The following CDX2 variants were observed in gnomAD, a reference collection of about 807,000 sequenced individuals.
The protein encoded by CDX2 is caudal type homeobox 2.
CDX2 carries 7 observed loss-of-function variants against 25.5 expected under a neutral mutation model. The ratio of observed to expected loss-of-function variants is 0.27; its 90% CI spans 0.16 to 0.52. CDX2 has a LOEUF of 0.52. CDX2 is among the 20% of genes least tolerant of loss of function. The probability of loss-of-function intolerance (pLI) is 0.97; values close to 1 mark genes in which losing one functional copy is unlikely to be tolerated. For missense variants in CDX2, 375 were observed against 431.4 expected, an observed-to-expected ratio of 0.87 and a Z score of 1.16; for synonymous variants, 222 against 198.6, an observed-to-expected ratio of 1.12 and a Z score of -0.99.
intron 1 of CDX2, among the ~76,000 whole-genome samples, chr13:27,966,771 G>C (rs1869348914): frequency 6.6e-6 from 1 of 152,154 alleles, no homozygotes; most frequent in South Asian, 2.1e-4. Context: ...ATTCATTATT[G>C]ACTGCGAAAG....
intron 1 of CDX2, chr13:27,967,455 G>T: frequency 2.2e-6 from 1 of 461,904 alleles, no homozygotes; most frequent in Non-Finnish European, 4.2e-6. Flanking sequence ...ATCAAGGAGC[G>T]AAGCAAGAAA....
rs986416792 is a variant in CDX2, at chr13:27,968,644, G to A, written c.363C>T (p.His121=). The A allele has an allele frequency of 3.3e-6, 5 of 1,535,628 alleles. No individual in the cohort carries two copies. In the Admixed American group the frequency reaches 9.9e-5, roughly 30 times the overall value. The change falls in exon 1 of 3, where the codon CAC becomes CAT. Residue 121 remains histidine (H), a synonymous_variant. Transcript: ENST00000381020. The part of the protein sequence containing the change: ...ADYHPHHHPH[H]HPHHPAAAPS... ...GCGCGGCGGCCGGGTGGTGCGGGTG[G>A]TGATGCGGGTGGTGGTGCGGATGGT...
In CDX2 at chr13:27,965,928, A is replaced by G. The variant is rs538741172; in HGVS notation, c.542-913T>C. Among the ~76,000 whole-genome samples, 6 of 152,316 alleles carry G rather than the reference A, an allele frequency of 3.9e-5. No homozygotes were observed. The East Asian group carries it at 1.2e-3, about 29-fold the overall frequency. On this transcript the variant is annotated intron_variant, in intron 1 of 2. Coordinates refer to ENST00000381020, the MANE Select transcript of CDX2 (RefSeq NM_001265.6). ...CACTTTTGGGTCTTCTTGCAGCTGA[A>G]CAGGTTCAATCGCCCAGTGCCCAAT...
intron 1 of CDX2, among the ~76,000 whole-genome samples, chr13:27,966,093 C>T (rs1160148420): frequency 6.6e-6 from 1 of 152,230 alleles, no homozygotes; most frequent in Admixed American, 6.5e-5. Flanking sequence ...AGGGAGCTCC[C>T]CCGAGCCGCT....
chr13:27,968,366 C>G, intron 1 of CDX2, 100 bp downstream of exon 1: 50 of 1,324,090 alleles, frequency 3.8e-5, no homozygotes, highest in Non-Finnish European at 4.8e-5. Context: ...CCAGACAGCC[C>G]GGGACGCCCC....
rs1275398377 is a variant in CDX2, at chr13:27,968,743, G to GGCGGCC, written c.258_263dup (p.Ala88_Ala89dup). The GGCGGCC allele has an allele frequency of 1.3e-5, 19 of 1,504,026 alleles. No homozygotes were observed. The highest frequency in any genetic ancestry group is 1.7e-5 in the Non-Finnish European group (19 of 1,134,070). 93.2% of individuals were successfully genotyped at this position (1,504,026 alleles called of 1,614,324 possible). On this transcript the variant is annotated inframe_insertion, in exon 1 of 3. Transcript: ENST00000381020. ...TGAGGCCGTGAGCCACGGCGTTGGCGGCGGCCGCGGCGCCTCCGGGCGCGT... is the reference window on the plus strand; with the variant it reads ...TGAGGCCGTGAGCCACGGCGTTGGCGGCGGCCGCGGCCGCGGCGCCTCCGGGCGCGT...
chr13:27,969,023 G>C lies in CDX2; in HGVS notation c.-17C>G, dbSNP rs201603624. ...CACGTACATGGTGGCGAGGGTCCGG[G>C]AGCAGACCTCACCATGCTGCCTGGG... On this transcript the variant is annotated 5_prime_UTR_variant, in exon 1 of 3. Coordinates refer to ENST00000381020, the MANE Select transcript of CDX2 (RefSeq NM_001265.6). The C allele has an allele frequency of 3.9e-5, 61 of 1,579,896 alleles. No homozygotes were observed. The Admixed American group carries it at 7.9e-4, about 21-fold the overall frequency.
At position 27,968,697 on chromosome 13, in the gene CDX2, C is replaced by T; in HGVS notation, c.310G>A (p.Ala104Thr). 1.3e-6 allele frequency: 2 copies of T among 1,532,152 alleles called. No individual in the cohort carries two copies. The highest frequency in any genetic ancestry group is 8.7e-7 in the Non-Finnish European group (1 of 1,144,100). The allele number at this position is 1,532,152 out of a possible 1,614,324, so 94.9% of individuals were successfully genotyped here. A position where few individuals can be genotyped will look rare whatever the true frequency, so the allele number is the denominator to read the frequency against. ...HGLNGGSPAA[A>T]MGYSSPADYH... Reference sequence around the variant, plus strand: ...TCTGCGGGGCTGCTGTAGCCCATGGCTGCGGCCGGGGAGCCACCGTTGAGG... The same window carrying T: ...TCTGCGGGGCTGCTGTAGCCCATGGTTGCGGCCGGGGAGCCACCGTTGAGG... Residue 104 changes from alanine (A) to threonine (T), a missense_variant, in exon 1 of 3, where the codon GCC (alanine) becomes ACC (threonine). Coordinates refer to ENST00000381020, the MANE Select transcript of CDX2 (RefSeq NM_001265.6).
chr13:27,966,732 G>A (rs926540026), intron 1 of CDX2, among the ~76,000 whole-genome samples: 13 of 152,196 alleles, frequency 8.5e-5, no homozygotes, highest in Non-Finnish European at 1.6e-4. Flanking sequence ...CGGGGCTATG[G>A]AGGGGAGGGA....
Position 27,962,853 on chromosome 13 carries a change from G to T in CDX2, c.*262C>A. On this transcript the variant is annotated 3_prime_UTR_variant, in exon 3 of 3. Transcript: ENST00000381020. The stretch of plus-strand genomic sequence containing the variant: ...TCCAGGCAATGCTTCTGCCAGTCCG[G>T]AATGAAGCCCAGCGGAGGCTTTCTG... 1 of 424,028 alleles carries T rather than the reference G, an allele frequency of 2.4e-6. No homozygotes were observed. Among genetic ancestry groups the T allele is most frequent in the African/African-American group, 1.9e-5 (1 of 51,624 alleles). The allele number at this position is 424,028 out of a possible 1,614,324, so 26.3% of individuals were successfully genotyped here.
In CDX2 at chr13:27,968,653, G is replaced by A. The variant is rs747093596; in HGVS notation, c.354C>T (p.His118=). 62 of 1,534,862 alleles carry A rather than the reference G, an allele frequency of 4.0e-5. 1 individual carries two copies. The highest frequency in any genetic ancestry group is 3.4e-4 in the Middle Eastern group (2 of 5,888). ...CCGGGTGGTGCGGGTGGTGATGCGG[G>A]TGGTGGTGCGGATGGTAGTCTGCGG... ...SSPADYHPHH[H]PHHHPHHPAA... is the part of the protein sequence containing the mutation. Residue 118 remains histidine, a synonymous_variant, in exon 1 of 3, where the codon CAC becomes CAT. Transcript: ENST00000381020.
chr13:27,965,110 C>T, intron 1 of CDX2, 95 bp from the exon 2 acceptor site: 2 of 1,339,998 alleles, frequency 1.5e-6, no homozygotes, highest in Non-Finnish European at 2.1e-6. Flanking sequence ...CATTTCTCTT[C>T]CTCCACCACC....
chr13:27,968,805 C>A lies in CDX2; in HGVS notation c.202G>T (p.Ala68Ser). 6.5e-7 allele frequency: 1 copy of A among 1,536,714 alleles called. No individual in the cohort carries two copies. The highest frequency in any genetic ancestry group is 8.7e-7 in the Non-Finnish European group (1 of 1,144,926). ...TCCTCCCGGAGTGGGGCGCCATACGCTGCCGGCCAGGATGGCCCCGGGGAC... is the reference window on the plus strand; with the variant it reads ...TCCTCCCGGAGTGGGGCGCCATACGATGCCGGCCAGGATGGCCCCGGGGAC... ...AQSPGPSWPA[A>S]YGAPLREDWN... Residue 68 changes from alanine to serine, a missense_variant, in exon 1 of 3, where the codon GCG becomes TCG. Around this residue, in one of 3 missense-constraint regions of CDX2, gnomAD observed 253 missense variants for 247.5 expected, o/e 1.02. Transcript: ENST00000381020.
At chr13:27,968,352 G>A in intron 1 of CDX2, 114 bp downstream of exon 1, 3 of 1,268,624 alleles carry the variant, frequency 2.4e-6, no homozygotes, top group Non-Finnish European at 3.0e-6. Flanking sequence ...CTGGCGCCGA[G>A]CTCCCAGACA....
rs937846005 is a variant in CDX2, at chr13:27,966,398, G to T, written c.542-1383C>A. Among the ~76,000 whole-genome samples, 4 of 152,236 alleles carry T rather than the reference G, an allele frequency of 2.6e-5. No individual in the cohort carries two copies. The South Asian group carries it at 8.3e-4, about 32-fold the overall frequency. On this transcript the variant is annotated intron_variant, in intron 1 of 2. Transcript: ENST00000381020. ...CGTGACCGCCTCAAACCCACTCCAG[G>T]CTGCCATTGGTACTCGCCCCTTTTT... is the stretch of plus-strand genomic sequence containing the variant.
At position 27,964,334 on chromosome 13, in the gene CDX2, G is replaced by A. The variant is rs1196000805; in HGVS notation, c.687+536C>T. Among the ~76,000 whole-genome samples, 2 of 152,180 alleles carry A rather than the reference G, an allele frequency of 1.3e-5. No individual in the cohort carries two copies. The highest frequency in any genetic ancestry group is 4.8e-5 in the African/African-American group (2 of 41,442). Reference sequence around the variant, plus strand: ...GAATCGCTTGAACCCGGGAGGCAGAGGTTGCAGTGAGCTGAGACCGCGCCA... The same window carrying A: ...GAATCGCTTGAACCCGGGAGGCAGAAGTTGCAGTGAGCTGAGACCGCGCCA... On this transcript the variant is annotated intron_variant, in intron 2 of 2. Coordinates refer to ENST00000381020, the MANE Select transcript of CDX2 (RefSeq NM_001265.6). The surrounding 1 kb of genome is among the most constrained non-coding windows in gnomAD (Gnocchi z 4.7).
At position 27,962,676 on chromosome 13, in the gene CDX2, C is replaced by T. The variant is rs537029909; in HGVS notation, c.*439G>A. On this transcript the variant is annotated 3_prime_UTR_variant, in exon 3 of 3. Transcript: ENST00000381020. ...GAGGCAGGAGGCCCAGCTGGACCTC[C>T]GAGGGCCATGAGCAGGCAGCAGCCA... 6 of 237,384 alleles carry T rather than the reference C, an allele frequency of 2.5e-5. No homozygotes were observed. In the South Asian group the frequency reaches 7.1e-4, roughly 28 times the overall value. 14.7% of individuals were successfully genotyped at this position (237,384 alleles called of 1,614,324 possible).
chr13:27,968,905 G>T lies in CDX2; in HGVS notation c.102C>A (p.Pro34=). 1 of 1,608,364 alleles carries T rather than the reference G, an allele frequency of 6.2e-7. No homozygotes were observed. Residue 34 remains proline, a synonymous_variant, in exon 1 of 3, where the codon CCC becomes CCA. Transcript: ENST00000381020. ...AACCGCCGTAGTCCGGGTACTGCGG[G>T]GGGCTGACGAAGTTCTGCGGCGCCA... ...LNLAPQNFVS[P]PQYPDYGGYH...
Position 27,964,550 on chromosome 13 carries a change from A to G in CDX2, c.687+320T>C, listed in dbSNP as rs1326805204. Among the ~76,000 whole-genome samples the G allele has an allele frequency of 2.0e-5, 3 of 151,976 alleles. No homozygotes were observed. The highest frequency in any genetic ancestry group is 1.5e-5 in the Non-Finnish European group (1 of 67,990). Reference sequence around the variant, plus strand: ...GTGAGACCATCTCTGCAAAAAATTTAAACATTAGCCAGTCATGGTGGCTCG... The same window carrying G: ...GTGAGACCATCTCTGCAAAAAATTTGAACATTAGCCAGTCATGGTGGCTCG... On this transcript the variant is annotated intron_variant, in intron 2 of 2. Coordinates refer to ENST00000381020, the MANE Select transcript of CDX2 (RefSeq NM_001265.6). The surrounding 1 kb of genome is among the most constrained non-coding windows in gnomAD (Gnocchi z 4.7).
Sources: gnomAD v4.1 joint callset for allele counts (sites outside exome capture counted in the v4.1 genomes callset) on GRCh38, gnomAD v4.1.1 for gene constraint, gnomAD v4.1.1 regional missense constraint, Gnocchi (gnomAD v3.1) non-coding constraint, MANE v1.5 for transcripts, NCBI Gene and HGNC (gene_info 2026-07-23, HGNC 2026-07-21) for gene names.